PABPC4L: variants seen among roughly 807,000 people sequenced by gnomAD.
The protein encoded by PABPC4L is polyadenylate-binding protein 4-like.
For synonymous variants in PABPC4L, 169 were observed against 164.1 expected, an observed-to-expected ratio of 1.03 and a Z score of -0.23; for missense variants, 452 against 451.4, an observed-to-expected ratio of 1.00 and a Z score of -0.01.
chr4:134,058,555 G>T, the PABPC4L span, among the ~76,000 whole-genome samples: 1 of 151,934 alleles, frequency 6.6e-6, no homozygotes, highest in Non-Finnish European at 1.5e-5. Flanking sequence ...CTATTTCTCA[G>T]TCTCATTCTA....
chr4:134,144,592 A>C, the PABPC4L span, among the ~76,000 whole-genome samples: 1 of 151,400 alleles, frequency 6.6e-6, no homozygotes, highest in Non-Finnish European at 1.5e-5. Flanking sequence ...AAAAAAAAAA[A>C]AAACAGTTCA....
the PABPC4L span, among the ~76,000 whole-genome samples, chr4:134,139,270 A>T: frequency 6.6e-6 from 1 of 152,078 alleles, no homozygotes; most frequent in Middle Eastern, 3.4e-3. Context: ...TTGGTTCATG[A>T]TAATAGAATT....
chr4:133,989,907 C>A, the PABPC4L span, among the ~76,000 whole-genome samples: 1 of 152,130 alleles, frequency 6.6e-6, no homozygotes, highest in African/African-American at 2.4e-5. Context: ...GCAAACACTT[C>A]CTCCTTCACA....
chr4:133,988,151 G>A, the PABPC4L span, among the ~76,000 whole-genome samples: 8 of 152,078 alleles, frequency 5.3e-5, no homozygotes, highest in African/African-American at 1.7e-4. Context: ...GATGATATTC[G>A]GGTGGAGACA....
the PABPC4L span, among the ~76,000 whole-genome samples, chr4:134,017,594 G>A: frequency 1.0e-3 from 158 of 152,200 alleles, 1 homozygote; most frequent in Middle Eastern, 6.8e-3. Flanking sequence ...TTGCTGGCAG[G>A]ACTATGCTGA....
chr4:134,184,064 T>C, the PABPC4L span, among the ~76,000 whole-genome samples: 2 of 151,756 alleles, frequency 1.3e-5, no homozygotes, highest in Non-Finnish European at 2.9e-5. Context: ...AGATGGAAGA[T>C]TCCCACTCTC....
chr4:134,189,570 T>C, the PABPC4L span, among the ~76,000 whole-genome samples: 101 of 151,390 alleles, frequency 6.7e-4, no homozygotes, highest in African/African-American at 2.3e-3. Context: ...ATATATAATG[T>C]GTGTGTGTGT....
downstream of PABPC4L, among the ~76,000 whole-genome samples, chr4:134,191,431 C>T (rs1454255799): frequency 1.3e-5 from 2 of 151,930 alleles, no homozygotes; most frequent in African/African-American, 4.8e-5. Context: ...CAGAATATGC[C>T]ACATGTTAGC....
At chr4:134,109,924 T>C in the PABPC4L span, among the ~76,000 whole-genome samples, 1 of 151,980 alleles carries the variant, frequency 6.6e-6, no homozygotes, top group African/African-American at 2.4e-5. Flanking sequence ...TTGGAAATTA[T>C]AGAACAAATT....
At chr4:134,014,352 C>A in the PABPC4L span, among the ~76,000 whole-genome samples, 15 of 152,166 alleles carry the variant, frequency 9.9e-5, no homozygotes, top group East Asian at 3.9e-4. Flanking sequence ...GTGAGACAAA[C>A]CCCAGCCACA....
downstream of PABPC4L, among the ~76,000 whole-genome samples, chr4:134,191,752 G>A (rs1729517231): frequency 6.6e-6 from 1 of 151,848 alleles, no homozygotes; most frequent in African/African-American, 2.4e-5. Flanking sequence ...ATGTATAGCT[G>A]TGAATATTTA....
the PABPC4L span, among the ~76,000 whole-genome samples, chr4:133,975,210 T>C: frequency 6.6e-6 from 1 of 152,082 alleles, no homozygotes; most frequent in African/African-American, 2.4e-5. Flanking sequence ...GAATAAACCT[T>C]GAAAATATAC....
the PABPC4L span, among the ~76,000 whole-genome samples, chr4:134,177,962 A>G: frequency 1.3e-5 from 2 of 152,034 alleles, no homozygotes; most frequent in Admixed American, 1.3e-4. Context: ...ACTCAGCTAG[A>G]AGGCACAGTT....
At chr4:133,966,078 G>C in the PABPC4L span, among the ~76,000 whole-genome samples, 1 of 152,006 alleles carries the variant, frequency 6.6e-6, no homozygotes, top group South Asian at 2.1e-4. Flanking sequence ...ATCTAACAAA[G>C]GTCTAATATT....
chr4:134,201,076 G>T lies in PABPC4L; in HGVS notation c.-57C>A, dbSNP rs935970570. The T allele has an allele frequency of 1.4e-5, 21 of 1,551,274 alleles. No individual in the cohort carries two copies. The highest frequency in any genetic ancestry group is 1.8e-5 in the Non-Finnish European group (21 of 1,146,932). On this transcript the variant is annotated 5_prime_UTR_variant, in exon 2 of 2. Transcript: ENST00000421491. The stretch of plus-strand genomic sequence containing the variant: ...CTGGAGTTCTTTGAGCAATCCCTGT[G>T]GGGGGATACTAGGTCACAGCTTTGG...
the PABPC4L span, among the ~76,000 whole-genome samples, chr4:134,168,274 G>A: frequency 1.3e-5 from 2 of 151,810 alleles, no homozygotes; most frequent in Admixed American, 6.6e-5. Context: ...TACAGAAAAA[G>A]CAGTAATAAA....
the PABPC4L span, among the ~76,000 whole-genome samples, chr4:134,033,021 T>C: frequency 2.9e-5 from 1 of 34,614 alleles, no homozygotes; most frequent in Non-Finnish European, 4.8e-5. Flanking sequence ...ACAAGTATCC[T>C]TTTTTTTTTT....
At chr4:133,968,103 C>T in the PABPC4L span, among the ~76,000 whole-genome samples, 1 of 152,108 alleles carries the variant, frequency 6.6e-6, no homozygotes, top group Non-Finnish European at 1.5e-5. Context: ...CATTTAGTCG[C>T]AGGAATATTA....
chr4:134,106,952 C>A, the PABPC4L span, among the ~76,000 whole-genome samples: 120 of 151,488 alleles, frequency 7.9e-4, no homozygotes, highest in Non-Finnish European at 1.5e-3. Context: ...AAAGATTTAA[C>A]AATGCTTCTT....
Sources: gnomAD v4.1 joint callset for allele counts (sites outside exome capture counted in the v4.1 genomes callset) on GRCh38, gnomAD v4.1.1 for gene constraint, MANE v1.5 for transcripts, NCBI Gene and HGNC (gene_info 2026-07-23, HGNC 2026-07-21) for gene names.